Variants in TMEM192 observed in about 807,000 individuals in gnomAD.
The protein encoded by TMEM192 is transmembrane protein 192.
In TMEM192, 20 loss-of-function variants were observed where a neutral mutation model predicts 26.7. That is an observed-to-expected ratio of 0.75 (90% CI 0.53 to 1.09). The LOEUF is 1.09. Ranked by LOEUF, TMEM192 falls within the 50% of genes least tolerant of loss-of-function variation. The pLI is 0.00. For synonymous variants in TMEM192, 124 were observed against 121.0 expected, an observed-to-expected ratio of 1.02 and a Z score of -0.16; for missense variants, 304 against 322.6, an observed-to-expected ratio of 0.94 and a Z score of 0.44.
rs965685997 is a variant in TMEM192 at position 165,112,844 on chromosome 4, G to A, written c.-71C>T. ...CCTGGACCTGTAAGCCTCTGGCCGC[G>A]AAACTCGCCACCTTCTGGGACCTGC... On this transcript the variant is annotated 5_prime_UTR_variant, in exon 1 of 6. Transcript: ENST00000306480. The A allele has an allele frequency of 1.1e-5, 17 of 1,566,172 alleles. No individual in the cohort carries two copies. Among genetic ancestry groups the A allele is most frequent in the Admixed American group, 1.8e-5 (1 of 56,118 alleles).
chr4:165,087,275 A>G (rs1734642757), intron 4 of TMEM192, among the ~76,000 whole-genome samples: 1 of 152,194 alleles, frequency 6.6e-6, no homozygotes, highest in Non-Finnish European at 1.5e-5. Flanking sequence ...CAGTGGACAG[A>G]GGGAAAGAGA....
chr4:165,077,106 C>T lies in TMEM192; in HGVS notation c.*2552G>A, dbSNP rs1367284908. 2.0e-5 allele frequency: 3 copies of T among 152,146 alleles called. No individual in the cohort carries two copies. Among genetic ancestry groups the T allele is most frequent in the African/African-American group, 7.2e-5 (3 of 41,446 alleles). 9.4% of individuals were successfully genotyped at this position (152,146 alleles called of 1,614,324 possible). ...GTAAGCCACTGCATCAGCTGTTTTG[C>T]TACTTCTGATACTTAGTTTCATTTT... On this transcript the variant is annotated 3_prime_UTR_variant, in exon 6 of 6. Transcript: ENST00000306480.
chr4:165,103,511 ATTTTTTT>A (rs70952701), intron 1 of TMEM192, among the ~76,000 whole-genome samples: 2 of 95,220 alleles, frequency 2.1e-5, no homozygotes, highest in Non-Finnish European at 3.8e-5. Flanking sequence ...CACCCAGCTA[ATTTTTTT>A]TTTTTTTTTT....
At chr4:165,100,206 C>G (rs1269273917) in intron 3 of TMEM192, among the ~76,000 whole-genome samples, 1 of 143,734 alleles carries the variant, frequency 7.0e-6, no homozygotes, top group Non-Finnish European at 1.5e-5. Flanking sequence ...TGTTGCCAGG[C>G]TGGAGTGCAG....
intron 3 of TMEM192, among the ~76,000 whole-genome samples, chr4:165,091,182 G>A (rs1734754226): frequency 6.6e-6 from 1 of 151,506 alleles, no homozygotes; most frequent in African/African-American, 2.4e-5. Context: ...CAGGAGAATG[G>A]CCTGAAACCC....
rs187479345 is a variant in TMEM192 at position 165,090,795 on chromosome 4, T to C, written c.440-2193A>G. 2.0e-3 allele frequency among the ~76,000 whole-genome samples: 293 copies of C among 149,530 alleles called. 6 individuals are homozygous for C. In the East Asian group the frequency reaches 0.044, roughly 22 times the overall value. ...GGTGCACATTTGTAATCCCAGCTAT[T>C]TGGGAGGCTGACACAGGAGAATCAC... On this transcript the variant is annotated intron_variant, in intron 3 of 5. Coordinates refer to ENST00000306480, the MANE Select transcript of TMEM192 (RefSeq NM_001100389.2).
rs1195809920 is a variant in TMEM192, at chr4:165,103,086, T to A, written c.38A>T (p.Asp13Val). The A allele has an allele frequency of 6.2e-7, 1 of 1,609,516 alleles. No individual in the cohort carries two copies. The highest frequency in any genetic ancestry group is 1.3e-5 in the African/African-American group (1 of 74,752). The part of the protein sequence containing the change: ...AGGRMEDGSL[D>V]ITQSIEDDPL... ...GTCGTCTTCAATACTCTGGGTGATA[T>A]CCAAGGAACCCTGGGGTGCAGAAAA... Residue 13 changes from aspartate (D) to valine (V), a missense_variant, in exon 2 of 6, where the codon GAT (aspartate) becomes GTT (valine). Physicochemically the swap from Asp to Val is radical, Grantham distance 152. Transcript: ENST00000306480.
At chr4:165,090,213 G>GGAAAA (rs752886922) in intron 3 of TMEM192, among the ~76,000 whole-genome samples, 9 of 52,072 alleles carry the variant, frequency 1.7e-4, no homozygotes, top group African/African-American at 5.5e-4. Context: ...CTCCGTCTTG[G>GGAAAA]AAAAAAAAAA....
intron 3 of TMEM192, among the ~76,000 whole-genome samples, chr4:165,100,403 C>T (rs981590464): frequency 2.0e-5 from 3 of 152,200 alleles, no homozygotes; most frequent in Admixed American, 6.5e-5. Flanking sequence ...CGTGATCTGC[C>T]CACCTCAGCA....
chr4:165,109,239 G>A (rs1014247009), intron 1 of TMEM192, among the ~76,000 whole-genome samples: 11 of 152,164 alleles, frequency 7.2e-5, no homozygotes, highest in African/African-American at 2.4e-4. Flanking sequence ...TTTATATTAT[G>A]TCCTTTGTGC....
chr4:165,105,424 TC>T (rs1302530668), intron 1 of TMEM192, among the ~76,000 whole-genome samples: 1 of 152,184 alleles, frequency 6.6e-6, no homozygotes, highest in Non-Finnish European at 1.5e-5. Flanking sequence ...CTGCCTGGAT[TC>T]AAGCACAAGT....
Position 165,079,698 on chromosome 4 carries a change from A to T in TMEM192, c.776T>A (p.Leu259His). The T allele has an allele frequency of 6.2e-7, 1 of 1,613,920 alleles. No homozygotes were observed. Among genetic ancestry groups the T allele is most frequent in the South Asian group, 1.1e-5 (1 of 91,046 alleles). Residue 259 changes from leucine to histidine, a missense_variant, in exon 6 of 6, where the codon CTC (leucine) becomes CAC (histidine). By Grantham distance (99) the Leu-to-His change is moderately conservative. Coordinates refer to ENST00000306480, the MANE Select transcript of TMEM192 (RefSeq NM_001100389.2). ...NALLSKRLLA[L>H]TSSDLGCQPS... ...CTGACAGCCCAGGTCTGAGGAAGTG[A>T]GAGCCAACAATCGCTTACTCAGCAG... is the stretch of plus-strand genomic sequence containing the variant.
rs1734472582 is a variant in TMEM192, at chr4:165,079,601, CA to C, written c.*56del. 6.5e-7 allele frequency: 1 copy of C among 1,528,826 alleles called. No homozygotes were observed. Among genetic ancestry groups the C allele is most frequent in the East Asian group, 2.4e-5 (1 of 41,918 alleles). 94.7% of individuals were successfully genotyped at this position (1,528,826 alleles called of 1,614,324 possible). ...TCCCCGTGGCAGCTTGTCAGGTGGT[CA>C]GTCAGTCTCAATTACTCTGGGTTCC... is the stretch of plus-strand genomic sequence containing the variant. On this transcript the variant is annotated 3_prime_UTR_variant, in exon 6 of 6. Coordinates refer to ENST00000306480, the MANE Select transcript of TMEM192 (RefSeq NM_001100389.2).
Position 165,112,790 on chromosome 4 carries a change from C to G in TMEM192, c.-17G>C. The stretch of plus-strand genomic sequence containing the variant: ...CGCCGCCATTTCCCGACGCCGGAGG[C>G]CGAAGCCCTGGCCAGCCCGGCCTCT... On this transcript the variant is annotated 5_prime_UTR_variant, in exon 1 of 6. Transcript: ENST00000306480. 1.2e-6 allele frequency: 2 copies of G among 1,606,036 alleles called. No homozygotes were observed. The highest frequency in any genetic ancestry group is 1.7e-6 in the Non-Finnish European group (2 of 1,178,824).
At chr4:165,080,437 GTGA>G (rs928150446) in intron 5 of TMEM192, among the ~76,000 whole-genome samples, 1 of 152,108 alleles carries the variant, frequency 6.6e-6, no homozygotes, top group African/African-American at 2.4e-5. Context: ...ACTAGGAATA[GTGA>G]TGATGATAAT....
chr4:165,093,490 G>A (rs1251495266), intron 3 of TMEM192, among the ~76,000 whole-genome samples: 1 of 152,122 alleles, frequency 6.6e-6, no homozygotes, highest in Non-Finnish European at 1.5e-5. Context: ...TCAAGGTACT[G>A]GGCAAATCCT....
rs1350441538 is a variant in TMEM192, at chr4:165,100,903, G to C, written c.175-11C>G. The C allele has an allele frequency of 1.9e-6, 3 of 1,601,888 alleles. No homozygotes were observed. The highest frequency in any genetic ancestry group is 2.6e-6 in the Non-Finnish European group (3 of 1,175,358). ...AACAACAAACACGAGCTGGGGGAAA[G>C]GAGAGCAGAAAGATTAATATTCAAT... On this transcript the variant is annotated splice_polypyrimidine_tract_variant and intron_variant, in intron 2 of 5. Transcript: ENST00000306480.
chr4:165,097,117 T>C (rs1234101318), intron 3 of TMEM192, among the ~76,000 whole-genome samples: 1 of 152,144 alleles, frequency 6.6e-6, no homozygotes, highest in African/African-American at 2.4e-5. Flanking sequence ...CTCTATAAAC[T>C]GCTTCACGCT....
chr4:165,096,694 C>T (rs777335433), intron 3 of TMEM192, among the ~76,000 whole-genome samples: 2 of 151,548 alleles, frequency 1.3e-5, no homozygotes, highest in Non-Finnish European at 2.9e-5. Flanking sequence ...GTACCTGCTC[C>T]ATTCCGTTTG....
Sources: allele counts gnomAD v4.1 joint callset (sites outside exome capture counted in the v4.1 genomes callset), GRCh38; gene constraint gnomAD v4.1.1; transcripts MANE v1.5; gene names NCBI Gene and HGNC (gene_info 2026-07-23, HGNC 2026-07-21).